Variants in RASGRF1 observed in about 807,000 individuals in gnomAD.
RASGRF1 encodes Ras protein specific guanine nucleotide releasing factor 1.
RASGRF1 carries 40 observed loss-of-function variants against 138.7 expected under a neutral mutation model. That is an observed-to-expected ratio of 0.29 (90% confidence interval 0.22 to 0.38). The LOEUF (loss-of-function observed/expected upper bound fraction) is 0.38, where lower values mean the gene tolerates loss of function less well. Among genes scored for constraint, RASGRF1 ranks in the 10% least tolerant of loss-of-function variants. The probability of loss-of-function intolerance (pLI) is 1.00; values close to 1 mark genes in which losing one functional copy is unlikely to be tolerated. For missense variants in RASGRF1, 1,108 were observed against 1,650.4 expected (o/e 0.67, Z 5.69); for synonymous variants, 614 against 663.2 (o/e 0.93, Z 1.14).
Position 78,967,091 on chromosome 15 carries a change from G to A in RASGRF1, c.3681+4775C>T, listed in dbSNP as rs540753813. 3.3e-5 allele frequency among the ~76,000 whole-genome samples: 5 copies of A among 151,842 alleles called. No individual in the cohort carries two copies. The East Asian group carries it at 5.8e-4, about 18-fold the overall frequency. On this transcript the variant is annotated intron_variant, in intron 26 of 26. Transcript: ENST00000558480. ...GCCAAGACGACAGGATCACTTGAGC[G>A]CAGGAGTTCAACATGGGCAGACCCT... is the stretch of plus-strand genomic sequence containing the variant.
intron 23 of RASGRF1, 49 bp from the exon 24 acceptor site, chr15:78,980,748 C>T (rs1227093466): frequency 5.7e-6 from 8 of 1,406,902 alleles, no homozygotes; most frequent in African/African-American, 1.4e-5. Flanking sequence ...CGCTGTGATC[C>T]CCGAGGCCCG....
chr15:79,024,294 T>C (rs533732163), intron 10 of RASGRF1, among the ~76,000 whole-genome samples: 2 of 151,422 alleles, frequency 1.3e-5, no homozygotes, highest in Admixed American at 6.6e-5. Flanking sequence ...CACATACATA[T>C]GCCATATACC....
rs1290505238 is a variant in RASGRF1, at chr15:78,960,151, T to C, written c.*1993A>G. On this transcript the variant is annotated 3_prime_UTR_variant, in exon 27 of 27. Coordinates refer to ENST00000558480, the MANE Select transcript of RASGRF1 (RefSeq NM_001145648.3). ...CTAGATCCCTTCTTTCTCCGCTTGC[T>C]ATCCCCCTCAGATCCCAGCACAAAG... 1 of 152,168 alleles carries C rather than the reference T, an allele frequency of 6.6e-6. No individual in the cohort carries two copies. The highest frequency in any genetic ancestry group is 1.5e-5 in the Non-Finnish European group (1 of 68,036). 9.4% of individuals were successfully genotyped at this position (152,168 alleles called of 1,614,324 possible). A position where few individuals can be genotyped will look rare whatever the true frequency, so the allele number is the denominator to read the frequency against.
Position 79,090,466 on chromosome 15 carries a change from G to A in RASGRF1, c.33C>T (p.His11=), listed in dbSNP as rs764289567. 9.9e-6 allele frequency: 16 copies of A among 1,612,774 alleles called. No homozygotes were observed. The highest frequency in any genetic ancestry group is 1.7e-5 in the Admixed American group (1 of 60,008). MQKGIRLNDG[H]VASLGLLARK... Reference sequence around the variant, plus strand: ...GCGCCAGCAGTCCCAGGGACGCGACGTGGCCATCATTCAGCCGGATCCCCT... The same window carrying A: ...GCGCCAGCAGTCCCAGGGACGCGACATGGCCATCATTCAGCCGGATCCCCT... The change falls in exon 1 of 27, where the codon CAC becomes CAT. Residue 11 remains histidine, a synonymous_variant. Transcript: ENST00000558480.
At chr15:79,001,820 CTTAATT>C (rs77803129) in intron 15 of RASGRF1, 33 bp from the exon 16 acceptor site, 175,745 of 1,305,542 alleles carry the variant, frequency 0.13, 13,280 homozygotes, top group Admixed American at 0.16. Context: ...TTTTACTTTT[CTTAATT>C]TTAATTTTAA....
At position 78,973,306 on chromosome 15, in the gene RASGRF1, C is replaced by T; in HGVS notation, c.3609G>A (p.Arg1203=). 1.2e-6 allele frequency: 2 copies of T among 1,607,194 alleles called. No individual in the cohort carries two copies. The highest frequency in any genetic ancestry group is 2.2e-5 in the East Asian group (1 of 44,780). The change falls in exon 25 of 27, where the codon AGG becomes AGA. Residue 1203 remains arginine (R), a synonymous_variant. Coordinates refer to ENST00000558480, the MANE Select transcript of RASGRF1 (RefSeq NM_001145648.3). This position sits in a 1 kb window ranked among gnomAD's most constrained non-coding sequence, Gnocchi z 4.9. The part of the protein sequence containing the change: ...EDGLVNFSKM[R]MISHIIREIR... ...TGCCTGGCTGGGGGGAACGCACCATCCTCATCTTGGAGAAGTTGACCAGGC... is the reference window on the plus strand; with the variant it reads ...TGCCTGGCTGGGGGGAACGCACCATTCTCATCTTGGAGAAGTTGACCAGGC...
chr15:79,005,748 T>TCCC (rs2056658326), intron 14 of RASGRF1: 1 of 433,216 alleles, frequency 2.3e-6, no homozygotes, highest in Non-Finnish European at 2.8e-6. Context: ...CCTCCCTCCC[T>TCCC]TCCTTCCTTC....
chr15:79,034,761 A>C (rs928805429), intron 6 of RASGRF1, among the ~76,000 whole-genome samples: 6 of 152,182 alleles, frequency 3.9e-5, no homozygotes, highest in African/African-American at 1.2e-4. Flanking sequence ...AAAACCCAAG[A>C]TCTATGCACA....
intron 24 of RASGRF1, among the ~76,000 whole-genome samples, chr15:78,974,451 T>G (rs1379497389): frequency 6.6e-6 from 1 of 152,178 alleles, no homozygotes; most frequent in East Asian, 1.9e-4. Flanking sequence ...CTGGCCCCTG[T>G]CCCTCACCTG....
At position 79,020,044 on chromosome 15, in the gene RASGRF1, C is replaced by T. The variant is rs1567530077; in HGVS notation, c.1603G>A (p.Glu535Lys). ...LLEEPESTEE[E>K]AKGSGQDIDH... ...CACATGCAGCTTTCACACTCACCTTCCTCCTCCGTGCTTTCTGGCTCCTCC... is the reference window on the plus strand; with the variant it reads ...CACATGCAGCTTTCACACTCACCTTTCTCCTCCGTGCTTTCTGGCTCCTCC... Residue 535 changes from glutamate (E) to lysine (K), a missense_variant, in exon 11 of 27, where the codon GAA (glutamate) becomes AAA (lysine). Glu to Lys is a moderately conservative substitution (Grantham distance 56). Around this residue, in one of 3 missense-constraint regions of RASGRF1, gnomAD observed 686 missense variants for 976.7 expected, o/e 0.70. Transcript: ENST00000558480. 2.5e-6 allele frequency: 4 copies of T among 1,614,124 alleles called. No individual in the cohort carries two copies. Among genetic ancestry groups the T allele is most frequent in the Non-Finnish European group, 3.4e-6 (4 of 1,180,030 alleles).
chr15:79,004,220 C>T (rs758361398), intron 14 of RASGRF1, 45 bp from the exon 15 acceptor site: 8 of 1,513,376 alleles, frequency 5.3e-6, no homozygotes, highest in Non-Finnish European at 7.0e-6. Context: ...CGTAGGCCTG[C>T]CTGCCCGCCT....
At chr15:79,000,776 C>G (rs1032260915) in intron 16 of RASGRF1, among the ~76,000 whole-genome samples, 1 of 152,202 alleles carries the variant, frequency 6.6e-6, no homozygotes, top group African/African-American at 2.4e-5. Flanking sequence ...TGAAATTTGG[C>G]TCTCCATGAG....
chr15:79,001,797 A>G lies in RASGRF1; in HGVS notation c.2450-10T>C. The G allele has an allele frequency of 7.1e-7, 1 of 1,416,290 alleles. No individual in the cohort carries two copies. The highest frequency in any genetic ancestry group is 9.3e-7 in the Non-Finnish European group (1 of 1,071,358). 87.7% of individuals were successfully genotyped at this position (1,416,290 alleles called of 1,614,324 possible). On this transcript the variant is annotated splice_polypyrimidine_tract_variant and intron_variant, in intron 15 of 26. Coordinates refer to ENST00000558480, the MANE Select transcript of RASGRF1 (RefSeq NM_001145648.3). Reference sequence around the variant, plus strand: ...ATGGAGACTTCTGAGCCTGGGAGAAAAGAAATAAATAATTTTACTTTTCTT... The same window carrying G: ...ATGGAGACTTCTGAGCCTGGGAGAAGAGAAATAAATAATTTTACTTTTCTT...
intron 17 of RASGRF1, 87 bp from the exon 18 acceptor site, chr15:78,998,912 T>G: frequency 9.2e-7 from 1 of 1,086,192 alleles, no homozygotes; most frequent in Non-Finnish European, 1.4e-6. Flanking sequence ...CTCTCGGATC[T>G]GGCTGAGCTG....
chr15:79,066,120 G>A (rs904167939), intron 1 of RASGRF1, among the ~76,000 whole-genome samples: 12 of 152,044 alleles, frequency 7.9e-5, no homozygotes, highest in Non-Finnish European at 1.6e-4. Context: ...GACACATAGT[G>A]GCAGGCAGCT....
intron 14 of RASGRF1, among the ~76,000 whole-genome samples, chr15:79,004,429 G>A (rs1319871214): frequency 6.6e-6 from 1 of 152,136 alleles, no homozygotes; most frequent in Non-Finnish European, 1.5e-5. Context: ...CCCCCTCAGG[G>A]CAGCAGCTGC....
chr15:79,090,000 G>A (rs111331469), intron 1 of RASGRF1, among the ~76,000 whole-genome samples: 13,308 of 152,234 alleles, frequency 0.087, 1,953 homozygotes, highest in African/African-American at 0.3. Flanking sequence ...AAGGGCAGCC[G>A]CAGCCCACAT....
chr15:78,990,155 C>A (rs762693631), intron 22 of RASGRF1, 34 bp downstream of exon 22: 1 of 1,501,612 alleles, frequency 6.7e-7, no homozygotes, highest in South Asian at 1.1e-5. Context: ...CAAAGAAAAA[C>A]CCCAGTGAGA....
chr15:79,012,649 C>T, intron 13 of RASGRF1: 1 of 1,419,884 alleles, frequency 7.0e-7, no homozygotes. Context: ...TTTTTTCTTT[C>T]ATAGGTGATT....
Sources: allele counts gnomAD v4.1 joint callset (sites outside exome capture counted in the v4.1 genomes callset), GRCh38; gene constraint gnomAD v4.1.1; regional missense constraint gnomAD v4.1.1; non-coding constraint Gnocchi (gnomAD v3.1); transcripts MANE v1.5; gene names NCBI Gene and HGNC (gene_info 2026-07-23, HGNC 2026-07-21).